Variants in FARS2 observed in about 807,000 individuals in gnomAD.
The protein encoded by FARS2 is phenylalanyl-tRNA synthetase 2, mitochondrial, also known as phenylalanine--tRNA ligase, mitochondrial.
In FARS2, 40 loss-of-function variants were observed where a neutral mutation model predicts 46.4. That is an observed-to-expected ratio of 0.86 (90% CI 0.67 to 1.12). FARS2 has a LOEUF of 1.12. Ranked by LOEUF, FARS2 falls within the 50% of genes most tolerant of loss-of-function variation. The pLI, the probability that FARS2 is intolerant of heterozygous loss-of-function variation, is 0.00. For missense variants in FARS2, 513 were observed against 567.9 expected (o/e 0.90, Z 0.98); for synonymous variants, 234 against 214.9 (o/e 1.09, Z -0.78).
At chr6:5,478,518 GTT>G (rs1766258241) in intron 4 of FARS2, among the ~76,000 whole-genome samples, 1 of 152,198 alleles carries the variant, frequency 6.6e-6, no homozygotes, top group Non-Finnish European at 1.5e-5. Flanking sequence ...TGAGCCTCCT[GTT>G]TCCCAGACCC....
At chr6:5,728,501 CT>C (rs1760417484) in intron 6 of FARS2, among the ~76,000 whole-genome samples, 1 of 152,150 alleles carries the variant, frequency 6.6e-6, no homozygotes, top group Non-Finnish European at 1.5e-5. Flanking sequence ...AAAAGGATGC[CT>C]TCTTCAAAAT....
chr6:5,511,195 A>G (rs1330107561), intron 4 of FARS2, among the ~76,000 whole-genome samples: 3 of 152,238 alleles, frequency 2.0e-5, no homozygotes, highest in African/African-American at 4.8e-5. Context: ...AGATGCCAAG[A>G]TGAAGATTTT....
At chr6:5,260,617 CGCCCCCG>C (rs1391667164), upstream of FARS2, 42 of 1,491,466 alleles carry the variant, frequency 2.8e-5, no homozygotes, top group East Asian at 8.9e-4. Context: ...CCTGGCCCCC[CGCCCCCG>C]GCCCCCGGTG....
At chr6:5,408,978 A>T (rs566408460) in intron 3 of FARS2, among the ~76,000 whole-genome samples, 1 of 152,218 alleles carries the variant, frequency 6.6e-6, no homozygotes, top group Non-Finnish European at 1.5e-5. Flanking sequence ...CAGGATATAT[A>T]TCTCTCTGAA....
At chr6:5,574,581 G>T (rs1343785588) in intron 5 of FARS2, among the ~76,000 whole-genome samples, 1 of 152,140 alleles carries the variant, frequency 6.6e-6, no homozygotes, top group Admixed American at 6.5e-5. Context: ...CTCAGATTTT[G>T]TGTATCTGTG....
chr6:5,547,217 G>A (rs1771085472), intron 5 of FARS2, among the ~76,000 whole-genome samples: 1 of 152,152 alleles, frequency 6.6e-6, no homozygotes, highest in African/African-American at 2.4e-5. Flanking sequence ...CTCCCGAAGT[G>A]CTGGGATTAC....
intron 4 of FARS2, among the ~76,000 whole-genome samples, chr6:5,444,245 G>A (rs1009850983): frequency 2.0e-5 from 3 of 152,012 alleles, no homozygotes; most frequent in East Asian, 1.9e-4. Flanking sequence ...AATGTGGGCG[G>A]ATCACAAGGT....
chr6:5,519,248 T>G (rs1406243389), intron 4 of FARS2, among the ~76,000 whole-genome samples: 2 of 152,172 alleles, frequency 1.3e-5, no homozygotes, highest in Non-Finnish European at 2.9e-5. Flanking sequence ...TAGATTGGCT[T>G]TAGAAGGCAG....
rs1274358034 is a variant in FARS2 at position 5,727,392 on chromosome 6, A to G, written c.1218-43899A>G. On this transcript the variant is annotated intron_variant, in intron 6 of 6. Transcript: ENST00000274680. This position sits in a 1 kb window ranked among gnomAD's most constrained non-coding sequence, Gnocchi z 4.1. ...TCTCTGAGGCAGTGGTGTCACTTAT[A>G]CTTGTTACACTTTTCAGAGGCAGGG... 2.0e-5 allele frequency among the ~76,000 whole-genome samples: 3 copies of G among 152,146 alleles called. No homozygotes were observed. Among genetic ancestry groups the G allele is most frequent in the African/African-American group, 2.4e-5 (1 of 41,424 alleles).
intron 6 of FARS2, among the ~76,000 whole-genome samples, chr6:5,692,659 T>G: frequency 6.6e-6 from 1 of 152,254 alleles, no homozygotes; most frequent in Non-Finnish European, 1.5e-5. Flanking sequence ...TTAAACAATG[T>G]TAGCAGAGGA....
intron 4 of FARS2, among the ~76,000 whole-genome samples, chr6:5,511,527 G>A (rs115755519): frequency 1.0e-3 from 152 of 152,134 alleles, no homozygotes; most frequent in African/African-American, 2.9e-3. Context: ...AATACCCTGC[G>A]CACAAAGTAG....
At chr6:5,287,813 C>T (rs1311779799) in intron 1 of FARS2, among the ~76,000 whole-genome samples, 1 of 152,150 alleles carries the variant, frequency 6.6e-6, no homozygotes, top group Admixed American at 6.5e-5. Context: ...ATTACTCCAG[C>T]CCCATGTGGC....
At chr6:5,360,680 T>C (rs1377378680) in intron 1 of FARS2, among the ~76,000 whole-genome samples, 1 of 152,186 alleles carries the variant, frequency 6.6e-6, no homozygotes, top group Non-Finnish European at 1.5e-5. Flanking sequence ...GGTAGATATC[T>C]AGATAATGTG....
intron 6 of FARS2, among the ~76,000 whole-genome samples, chr6:5,757,406 C>T (rs1006987834): frequency 1.2e-4 from 19 of 152,130 alleles, no homozygotes; most frequent in African/African-American, 4.3e-4. Context: ...TTATTGAGAC[C>T]TGGAGAGTCC....
chr6:5,550,398 G>A (rs1280082192), intron 5 of FARS2, among the ~76,000 whole-genome samples: 1 of 152,132 alleles, frequency 6.6e-6, no homozygotes, highest in Non-Finnish European at 1.5e-5. Context: ...CCGAGTAGCT[G>A]GTACTACAAG....
chr6:5,649,377 C>T (rs931658588), intron 6 of FARS2, among the ~76,000 whole-genome samples: 1 of 152,120 alleles, frequency 6.6e-6, no homozygotes, highest in Admixed American at 6.5e-5. Flanking sequence ...TTTTACATAA[C>T]CAAAGTTTCT....
intron 5 of FARS2, among the ~76,000 whole-genome samples, chr6:5,606,918 T>G (rs1171309455): frequency 6.6e-6 from 1 of 152,136 alleles, no homozygotes; most frequent in African/African-American, 2.4e-5. Context: ...AGGAAGACAT[T>G]ATGTTTATCA....
intron 1 of FARS2, among the ~76,000 whole-genome samples, chr6:5,299,593 A>G (rs1178945804): frequency 6.6e-6 from 1 of 152,198 alleles, no homozygotes; most frequent in African/African-American, 2.4e-5. Flanking sequence ...GCTTTTGTTT[A>G]AAAGATGAGT....
intron 5 of FARS2, among the ~76,000 whole-genome samples, chr6:5,582,200 C>G (rs182234729): frequency 1.2e-3 from 91 of 75,770 alleles, no homozygotes; most frequent in Non-Finnish European, 2.0e-3. Context: ...TCCTGATGCG[C>G]TTTTCTAAGT....
Sources: allele counts gnomAD v4.1 joint callset (sites outside exome capture counted in the v4.1 genomes callset), GRCh38; gene constraint gnomAD v4.1.1; non-coding constraint Gnocchi (gnomAD v3.1); transcripts MANE v1.5; gene names NCBI Gene and HGNC (gene_info 2026-07-23, HGNC 2026-07-21).